The following IFNAR2 variants were observed in gnomAD, a reference collection of about 807,000 sequenced individuals.
IFNAR2 encodes the protein interferon alpha/beta receptor 2.
In IFNAR2, 30 loss-of-function variants were observed where a neutral mutation model predicts 49.4. That is an observed-to-expected ratio of 0.61 (90% CI 0.45 to 0.82). The LOEUF is 0.82. IFNAR2 is among the 40% of genes least tolerant of loss of function. The pLI is 0.00. For synonymous variants in IFNAR2, 224 were observed against 234.5 expected, an observed-to-expected ratio of 0.96 and a Z score of 0.41; for missense variants, 600 against 622.7, an observed-to-expected ratio of 0.96 and a Z score of 0.39.
chr21:33,247,246 C>CTTTTTT (rs71194830), intron 5 of IFNAR2, among the ~76,000 whole-genome samples: 24 of 101,252 alleles, frequency 2.4e-4, no homozygotes, highest in Admixed American at 3.0e-4. Context: ...TTCTTTCTTT[C>CTTTTTT]TTTCTTTCTT....
At chr21:33,232,226 G>A (rs761535501) in intron 1 of IFNAR2, among the ~76,000 whole-genome samples, 1 of 152,216 alleles carries the variant, frequency 6.6e-6, no homozygotes, top group Non-Finnish European at 1.5e-5. Context: ...TAGTGAGTTA[G>A]AGCAGAGCTT....
chr21:33,248,332 C>G (rs1987589047), intron 5 of IFNAR2, among the ~76,000 whole-genome samples: 1 of 127,232 alleles, frequency 7.9e-6, no homozygotes, highest in Non-Finnish European at 1.5e-5. Context: ...CATGGGGAAA[C>G]CCTATGTCTA....
chr21:33,246,172 G>A (rs1601801298), intron 4 of IFNAR2, among the ~76,000 whole-genome samples: 1 of 151,822 alleles, frequency 6.6e-6, no homozygotes, highest in South Asian at 2.1e-4. Context: ...CCGGGTTCAC[G>A]CCATTCTCCT....
chr21:33,251,852 G>A, intron 6 of IFNAR2: 1 of 807,070 alleles, frequency 1.2e-6, no homozygotes, highest in South Asian at 5.6e-5. Context: ...GAAGGCCAAG[G>A]CAGGCAGATC....
intron 1 of IFNAR2, chr21:33,232,971 G>T: frequency 1.0e-6 from 1 of 981,050 alleles, no homozygotes; most frequent in Non-Finnish European, 1.2e-6. Flanking sequence ...ATTGCAAGAC[G>T]TCTTACTAAA....
At chr21:33,262,202 T>TA (rs1048880859) in intron 8 of IFNAR2, among the ~76,000 whole-genome samples, 3 of 151,734 alleles carry the variant, frequency 2.0e-5, no homozygotes, top group Non-Finnish European at 1.5e-5. Context: ...CCTTCTCTAC[T>TA]AAAAATACAA....
Position 33,233,614 on chromosome 21 carries a change from G to C in IFNAR2, c.-84+3398G>C, listed in dbSNP as rs187681375. 2.7e-3 allele frequency among the ~76,000 whole-genome samples: 405 copies of C among 152,310 alleles called. 3 individuals are homozygous for C. Among genetic ancestry groups the C allele is most frequent in the Admixed American group, 2.5e-3 (38 of 15,302 alleles). ...CACTAAATGCCAGACTATGATGGTTGTGAGGAAACAGTTCCAAGGGAAAGA... is the reference window on the plus strand; with the variant it reads ...CACTAAATGCCAGACTATGATGGTTCTGAGGAAACAGTTCCAAGGGAAAGA... On this transcript the variant is annotated intron_variant, in intron 1 of 8. Coordinates refer to ENST00000342136, the MANE Select transcript of IFNAR2 (RefSeq NM_001289125.3).
intron 1 of IFNAR2, among the ~76,000 whole-genome samples, chr21:33,236,088 G>A (rs542538570): frequency 6.6e-5 from 10 of 152,092 alleles, no homozygotes; most frequent in East Asian, 3.8e-4. Flanking sequence ...ATCTTGGGAG[G>A]TTCCCTTGAA....
intron 8 of IFNAR2, 48 bp from the exon 9 acceptor site, chr21:33,262,745 A>G: frequency 1.9e-6 from 3 of 1,588,698 alleles, no homozygotes; most frequent in Non-Finnish European, 2.6e-6. Context: ...TAAAGAGCAA[A>G]CAGTACAGCT....
Position 33,230,354 on chromosome 21 carries a change from C to T in IFNAR2, c.-84+138C>T. The T allele has an allele frequency of 7.1e-6, 5 of 707,744 alleles. No homozygotes were observed. Among genetic ancestry groups the T allele is most frequent in the Non-Finnish European group, 9.8e-6 (5 of 510,950 alleles). The allele number at this position is 707,744 out of a possible 1,614,324, so 43.8% of individuals were successfully genotyped here. On this transcript the variant is annotated intron_variant, in intron 1 of 8. Coordinates refer to ENST00000342136, the MANE Select transcript of IFNAR2 (RefSeq NM_001289125.3). The surrounding 1 kb of genome is among the most constrained non-coding windows in gnomAD (Gnocchi z 5.5). The stretch of plus-strand genomic sequence containing the variant: ...CCCCGACTCCTCCTCCTCCTCCTGC[C>T]CTCCCTCTGCGTCTTGAGTATGCGG...
chr21:33,242,224 G>GAC (rs1222135105), intron 2 of IFNAR2, among the ~76,000 whole-genome samples: 1 of 152,142 alleles, frequency 6.6e-6, no homozygotes, highest in African/African-American at 2.4e-5. Context: ...TAATAATCAG[G>GAC]ACTATCCTCG....
At chr21:33,241,255 T>C (rs1986899290) in intron 1 of IFNAR2, among the ~76,000 whole-genome samples, 1 of 152,214 alleles carries the variant, frequency 6.6e-6, no homozygotes, top group South Asian at 2.1e-4. Flanking sequence ...CTAACTGATA[T>C]GTCCTTTGTC....
At position 33,260,586 on chromosome 21, in the gene IFNAR2, T is replaced by G. The variant is rs547592626; in HGVS notation, c.710-11T>G. On this transcript the variant is annotated splice_polypyrimidine_tract_variant and intron_variant, in intron 7 of 8. Coordinates refer to ENST00000342136, the MANE Select transcript of IFNAR2 (RefSeq NM_001289125.3). The stretch of plus-strand genomic sequence containing the variant: ...TTTTTGAAATAAAGTCATTTAATTT[T>G]TCATCAACAGAATCAGCAGAATCTG... The G allele has an allele frequency of 6.3e-6, 10 of 1,576,906 alleles. No individual in the cohort carries two copies. The South Asian group carries it at 1.1e-4, about 17-fold the overall frequency.
At position 33,260,588 on chromosome 21, in the gene IFNAR2, C is replaced by A. The variant is rs138854749; in HGVS notation, c.710-9C>A. The A allele has an allele frequency of 4.1e-5, 64 of 1,575,884 alleles. No individual in the cohort carries two copies. In the East Asian group the frequency reaches 1.4e-3, roughly 35 times the overall value. On this transcript the variant is annotated splice_polypyrimidine_tract_variant and intron_variant, in intron 7 of 8. Transcript: ENST00000342136. ...TTTGAAATAAAGTCATTTAATTTTTCATCAACAGAATCAGCAGAATCTGCC... is the reference window on the plus strand; with the variant it reads ...TTTGAAATAAAGTCATTTAATTTTTAATCAACAGAATCAGCAGAATCTGCC...
Position 33,262,995 on chromosome 21 carries a change from G to T in IFNAR2, c.1043G>T (p.Gly348Val). The T allele has an allele frequency of 3.1e-6, 5 of 1,614,148 alleles. No individual in the cohort carries two copies. Among genetic ancestry groups the T allele is most frequent in the Non-Finnish European group, 4.2e-6 (5 of 1,180,018 alleles). Residue 348 changes from glycine (G) to valine (V), a missense_variant, in exon 9 of 9, where the codon GGT (glycine) becomes GTT (valine). By Grantham distance (109) the Gly-to-Val change is moderately radical (BLOSUM62 -3). Transcript: ENST00000342136. ...TMHGLTVRPL[G>V]QASATSTESQ... ...CATGGACTGACTGTCAGGCCTCTGG[G>T]TCAGGCCTCTGCCACCTCTACAGAA...
At chr21:33,247,840 T>C (rs1280076333) in intron 5 of IFNAR2, among the ~76,000 whole-genome samples, 1 of 152,216 alleles carries the variant, frequency 6.6e-6, no homozygotes, top group Non-Finnish European at 1.5e-5. Flanking sequence ...GTGCACGTGC[T>C]CATACATGAT....
In IFNAR2 at chr21:33,246,830, G is replaced by T; in HGVS notation, c.334G>T (p.Gly112Ter). 6.2e-7 allele frequency: 1 copy of T among 1,614,208 alleles called. No homozygotes were observed. The highest frequency in any genetic ancestry group is 8.5e-7 in the Non-Finnish European group (1 of 1,180,028). ...THEAYVTVLE[G>*]FSGNTTLFSC... ...CGAGGCCTATGTCACCGTCCTAGAAGGATTCAGCGGGAACACAACGTTGTT... is the reference window on the plus strand; with the variant it reads ...CGAGGCCTATGTCACCGTCCTAGAATGATTCAGCGGGAACACAACGTTGTT... The change falls in exon 5 of 9, where the codon GGA (glycine) becomes TGA (stop). Residue 112 changes from glycine (G) to a stop codon, truncating the protein, a stop_gained. Coordinates refer to ENST00000342136, the MANE Select transcript of IFNAR2 (RefSeq NM_001289125.3). LOFTEE classifies it high-confidence loss of function.
chr21:33,245,131 G>T, intron 4 of IFNAR2, 57 bp downstream of exon 4: 1 of 1,283,904 alleles, frequency 7.8e-7, no homozygotes, highest in South Asian at 1.2e-5. Context: ...GTTATATGGG[G>T]AGAGGTGATC....
intron 1 of IFNAR2, among the ~76,000 whole-genome samples, chr21:33,236,240 T>C (rs1015605502): frequency 1.3e-5 from 2 of 151,956 alleles, no homozygotes; most frequent in Non-Finnish European, 2.9e-5. Flanking sequence ...TTCACACAGG[T>C]CCCTGGGGCC....
Sources: allele counts gnomAD v4.1 joint callset (sites outside exome capture counted in the v4.1 genomes callset), GRCh38; gene constraint gnomAD v4.1.1; non-coding constraint Gnocchi (gnomAD v3.1); transcripts MANE v1.5; gene names NCBI Gene and HGNC (gene_info 2026-07-23, HGNC 2026-07-21).